The following CAST variants were observed in gnomAD, a reference collection of about 807,000 sequenced individuals.
CAST encodes the protein calpastatin, also known as MIR583 host.
In CAST, 76 loss-of-function variants were observed where a neutral mutation model predicts 119.6. That is an observed-to-expected ratio of 0.64 (90% confidence interval 0.53 to 0.77). The LOEUF (loss-of-function observed/expected upper bound fraction) is 0.77, where lower values mean the gene tolerates loss of function less well. CAST is among the 30% of genes least tolerant of loss of function. The pLI, the probability that CAST is intolerant of heterozygous loss-of-function variation, is 0.00. For synonymous variants in CAST, 319 were observed against 331.6 expected, an observed-to-expected ratio of 0.96 and a Z score of 0.41; for missense variants, 953 against 946.5, an observed-to-expected ratio of 1.01 and a Z score of -0.09.
At chr5:96,679,945 T>C (rs1407821179) in intron 2 of CAST, among the ~76,000 whole-genome samples, 2 of 152,176 alleles carry the variant, frequency 1.3e-5, no homozygotes, top group Non-Finnish European at 2.9e-5. Context: ...AACGCGATAA[T>C]GTCATGTATT....
At chr5:96,033,516 TC>T in the CAST span, among the ~76,000 whole-genome samples, 2 of 152,110 alleles carry the variant, frequency 1.3e-5, no homozygotes, top group African/African-American at 4.8e-5. Context: ...GACAATGATT[TC>T]CAACAAAGAT....
the CAST span, among the ~76,000 whole-genome samples, chr5:96,500,642 G>A: frequency 1.3e-5 from 2 of 152,164 alleles, no homozygotes; most frequent in Non-Finnish European, 2.9e-5. Flanking sequence ...AACACAGGAA[G>A]GCTAATTTCT....
chr5:96,000,631 A>G, the CAST span, among the ~76,000 whole-genome samples: 2 of 152,212 alleles, frequency 1.3e-5, no homozygotes. Context: ...TACCAATTCA[A>G]GATCTGAAAA....
At chr5:96,273,501 G>A in the CAST span, among the ~76,000 whole-genome samples, 2 of 152,190 alleles carry the variant, frequency 1.3e-5, no homozygotes, top group East Asian at 3.8e-4. Context: ...CAAATGCACA[G>A]TAGATTTATG....
chr5:96,239,282 T>C, the CAST span, among the ~76,000 whole-genome samples: 1 of 152,202 alleles, frequency 6.6e-6, no homozygotes, highest in Non-Finnish European at 1.5e-5. Context: ...AAGTGCTATA[T>C]AATGATTGCT....
chr5:96,680,941 G>A (rs537004127), intron 2 of CAST, among the ~76,000 whole-genome samples: 230 of 152,342 alleles, frequency 1.5e-3, no homozygotes, highest in Non-Finnish European at 2.3e-3. Flanking sequence ...AAGCTAAGCC[G>A]AAAAGCTGCA....
intron 1 of CAST, among the ~76,000 whole-genome samples, chr5:96,570,317 A>G (rs971334983): frequency 2.0e-5 from 3 of 152,224 alleles, no homozygotes; most frequent in African/African-American, 4.8e-5. Context: ...CAACCATGTC[A>G]GCTGGTGAAG....
At chr5:96,130,407 T>C in the CAST span, among the ~76,000 whole-genome samples, 8 of 150,182 alleles carry the variant, frequency 5.3e-5, no homozygotes. Flanking sequence ...AGATGTAACA[T>C]GGTCTCCTGG....
At chr5:96,407,201 T>G in the CAST span, among the ~76,000 whole-genome samples, 2 of 152,156 alleles carry the variant, frequency 1.3e-5, no homozygotes, top group African/African-American at 4.8e-5. Flanking sequence ...ACATATTAAC[T>G]ACATTTCATT....
chr5:96,759,913 A>G (rs1314758116), intron 24 of CAST, among the ~76,000 whole-genome samples: 1 of 152,040 alleles, frequency 6.6e-6, no homozygotes, highest in Admixed American at 6.5e-5. Flanking sequence ...GCACAAATAA[A>G]TTATTAGGAA....
chr5:96,034,517 G>A, the CAST span, among the ~76,000 whole-genome samples: 2 of 92,114 alleles, frequency 2.2e-5, no homozygotes, highest in Non-Finnish European at 5.5e-5. Flanking sequence ...ATATGTGTGT[G>A]TGTATGCATC....
the CAST span, among the ~76,000 whole-genome samples, chr5:96,287,640 T>G: frequency 1.3e-5 from 2 of 152,088 alleles, no homozygotes; most frequent in Non-Finnish European, 2.9e-5. Flanking sequence ...TATAAAACAC[T>G]TTCAGTAAGG....
chr5:96,108,011 C>T, the CAST span, among the ~76,000 whole-genome samples: 7 of 150,694 alleles, frequency 4.6e-5, no homozygotes, highest in South Asian at 4.3e-4. Flanking sequence ...TCCAGTTGAT[C>T]GCATCGGCTC....
At chr5:96,335,696 T>C in the CAST span, among the ~76,000 whole-genome samples, 4 of 152,188 alleles carry the variant, frequency 2.6e-5, no homozygotes, top group African/African-American at 9.7e-5. Context: ...CTAGGCAGCT[T>C]TTCTTGGGCA....
At chr5:95,969,258 G>A in the CAST span, among the ~76,000 whole-genome samples, 3 of 152,278 alleles carry the variant, frequency 2.0e-5, no homozygotes, top group East Asian at 5.8e-4. Flanking sequence ...GAGCAATGGG[G>A]AACTGTTGGA....
At chr5:96,725,379 G>A (rs571403804) in intron 4 of CAST, among the ~76,000 whole-genome samples, 2 of 152,330 alleles carry the variant, frequency 1.3e-5, no homozygotes, top group South Asian at 4.1e-4. Context: ...AGATGGGATT[G>A]TCTGTTGGCC....
upstream of CAST, among the ~76,000 whole-genome samples, chr5:96,661,215 G>C (rs1230596649): frequency 1.4e-5 from 2 of 143,424 alleles, no homozygotes; most frequent in Non-Finnish European, 3.0e-5. Flanking sequence ...GGTGTTGTTC[G>C]AGACCAGTCT....
chr5:96,667,287 T>C (rs1749463026), intron 1 of CAST, among the ~76,000 whole-genome samples: 1 of 152,222 alleles, frequency 6.6e-6, no homozygotes, highest in South Asian at 2.1e-4. Flanking sequence ...TCACAGTTGT[T>C]TATTGTCCAC....
the CAST span, among the ~76,000 whole-genome samples, chr5:96,427,379 T>C: frequency 6.6e-6 from 1 of 152,222 alleles, no homozygotes; most frequent in East Asian, 1.9e-4. Flanking sequence ...GTCTTTCTAT[T>C]ATGCATTATA....
Sources: gnomAD v4.1 joint callset for allele counts (sites outside exome capture counted in the v4.1 genomes callset) on GRCh38, gnomAD v4.1.1 for gene constraint, MANE v1.5 for transcripts, NCBI Gene and HGNC (gene_info 2026-07-23, HGNC 2026-07-21) for gene names.